The following HPSE2 variants were observed in gnomAD, a reference collection of about 807,000 sequenced individuals.
HPSE2 encodes the protein inactive heparanase-2.
HPSE2 carries 38 observed loss-of-function variants against 60.5 expected under a neutral mutation model. The observed-to-expected ratio is 0.63, with a 90% CI of 0.48 to 0.82. The LOEUF (loss-of-function observed/expected upper bound fraction) is 0.82. Ranked by LOEUF, HPSE2 falls within the 40% of genes least tolerant of loss-of-function variation. The pLI, the probability that HPSE2 is intolerant of heterozygous loss-of-function variation, is 0.00. For missense variants in HPSE2, 713 were observed against 740.4 expected, an observed-to-expected ratio of 0.96 and a Z score of 0.43; for synonymous variants, 295 against 293.2, an observed-to-expected ratio of 1.01 and a Z score of -0.06.
intron 3 of HPSE2, among the ~76,000 whole-genome samples, chr10:98,824,913 A>G (rs1386393875): frequency 6.6e-6 from 1 of 152,194 alleles, no homozygotes; most frequent in Non-Finnish European, 1.5e-5. Flanking sequence ...TGTATGTTTC[A>G]TAACGGTAAA....
At chr10:99,164,864 T>A (rs1314474041) in intron 2 of HPSE2, among the ~76,000 whole-genome samples, 1 of 151,970 alleles carries the variant, frequency 6.6e-6, no homozygotes, top group Non-Finnish European at 1.5e-5. Context: ...CGTGGGCGGA[T>A]CACGAGGTCA....
intron 9 of HPSE2, among the ~76,000 whole-genome samples, chr10:98,532,281 A>G (rs1237185389): frequency 6.6e-6 from 1 of 152,240 alleles, no homozygotes; most frequent in Non-Finnish European, 1.5e-5. Context: ...GAAATAGAGA[A>G]GGTACATCAG....
intron 3 of HPSE2, among the ~76,000 whole-genome samples, chr10:98,855,403 T>TG (rs1164598405): frequency 6.6e-6 from 1 of 151,446 alleles, no homozygotes; most frequent in Non-Finnish European, 1.5e-5. Flanking sequence ...GGCCTGGAAA[T>TG]GGGGGTGGGA....
chr10:98,803,496 G>A (rs1365857605), intron 3 of HPSE2, among the ~76,000 whole-genome samples: 1 of 151,756 alleles, frequency 6.6e-6, no homozygotes, highest in Non-Finnish European at 1.5e-5. Context: ...ATTAATTTTT[G>A]TATAAGGTGT....
intron 4 of HPSE2, among the ~76,000 whole-genome samples, chr10:98,729,857 C>T (rs1236809918): frequency 6.6e-6 from 1 of 151,674 alleles, no homozygotes; most frequent in Non-Finnish European, 1.5e-5. Context: ...ATACCTTAAA[C>T]AAAATTGAAG....
At chr10:98,510,515 G>A (rs1942354077) in intron 9 of HPSE2, among the ~76,000 whole-genome samples, 1 of 152,214 alleles carries the variant, frequency 6.6e-6, no homozygotes, top group African/African-American at 2.4e-5. Flanking sequence ...AAGGGAACCT[G>A]CTTATGGAGG....
intron 5 of HPSE2, among the ~76,000 whole-genome samples, chr10:98,720,358 A>G (rs1385900626): frequency 6.6e-6 from 1 of 152,084 alleles, no homozygotes; most frequent in Non-Finnish European, 1.5e-5. Context: ...AAGAGGAAAC[A>G]TAAGGATTTG....
At chr10:99,043,833 A>T (rs1957796700) in intron 3 of HPSE2, among the ~76,000 whole-genome samples, 1 of 152,170 alleles carries the variant, frequency 6.6e-6, no homozygotes, top group African/African-American at 2.4e-5. Context: ...AAGAATTTTT[A>T]AAAATAAAAA....
intron 3 of HPSE2, among the ~76,000 whole-genome samples, chr10:98,808,921 C>T (rs1490395663): frequency 1.3e-5 from 2 of 152,248 alleles, no homozygotes; most frequent in East Asian, 3.9e-4. Flanking sequence ...ACTGAGAACA[C>T]TTATCTCTAA....
intron 3 of HPSE2, among the ~76,000 whole-genome samples, chr10:98,780,851 A>T (rs1950449313): frequency 1.3e-5 from 2 of 152,112 alleles, no homozygotes; most frequent in South Asian, 4.1e-4. Flanking sequence ...AAATGGAATG[A>T]TCACTGCACC....
intron 7 of HPSE2, among the ~76,000 whole-genome samples, chr10:98,630,198 T>TGTG (rs200256720): frequency 6.6e-6 from 1 of 150,420 alleles, no homozygotes; most frequent in African/African-American, 2.4e-5. Context: ...TTTTTTTGTT[T>TGTG]TTTTTTTTTT....
rs76534970 is a variant in HPSE2 at position 99,098,508 on chromosome 10, T to C, written c.610+45730A>G. 1.6e-3 allele frequency among the ~76,000 whole-genome samples: 241 copies of C among 152,358 alleles called. 5 individuals are homozygous for C. The East Asian group carries it at 0.035, about 22-fold the overall frequency. On this transcript the variant is annotated intron_variant, in intron 3 of 11. Coordinates refer to ENST00000370552, the MANE Select transcript of HPSE2 (RefSeq NM_021828.5). ...TTTACAGAGCTTAAGTCTCTCTTAG[T>C]ATTTCTTTGGTATGATATAATAAAC...
At chr10:98,591,138 A>G (rs998373653) in intron 9 of HPSE2, among the ~76,000 whole-genome samples, 1 of 152,000 alleles carries the variant, frequency 6.6e-6, no homozygotes, top group Non-Finnish European at 1.5e-5. Context: ...AAAAAAAAGA[A>G]GAGCCCCTGA....
intron 3 of HPSE2, among the ~76,000 whole-genome samples, chr10:98,881,851 T>C (rs1382030775): frequency 2.0e-5 from 3 of 150,774 alleles, no homozygotes; most frequent in African/African-American, 7.3e-5. Context: ...CTGTGTAGAT[T>C]ACATTATTTT....
At chr10:99,032,156 G>A (rs964042480) in intron 3 of HPSE2, among the ~76,000 whole-genome samples, 4 of 152,108 alleles carry the variant, frequency 2.6e-5, no homozygotes, top group African/African-American at 9.7e-5. Flanking sequence ...ATGTTTGGAG[G>A]ACATCAGTAA....
At chr10:98,641,790 T>G in intron 7 of HPSE2, 57 bp downstream of exon 7, 1 of 1,347,080 alleles carries the variant, frequency 7.4e-7, no homozygotes, top group Non-Finnish European at 1.1e-6. Context: ...CTTTGTGTCT[T>G]TTTCCTTGTC....
chr10:99,060,282 G>A (rs1958207756), intron 3 of HPSE2, among the ~76,000 whole-genome samples: 1 of 152,072 alleles, frequency 6.6e-6, no homozygotes, highest in South Asian at 2.1e-4. Flanking sequence ...GAGCAAGATG[G>A]CCAAATAGAA....
chr10:98,958,359 T>C (rs1955561475), intron 3 of HPSE2, among the ~76,000 whole-genome samples: 1 of 150,348 alleles, frequency 6.7e-6, no homozygotes, highest in Admixed American at 6.6e-5. Flanking sequence ...ATAACAAGGT[T>C]AAAAAAAAAT....
intron 9 of HPSE2, among the ~76,000 whole-genome samples, chr10:98,563,324 T>C (rs1001433862): frequency 6.6e-6 from 1 of 152,072 alleles, no homozygotes; most frequent in African/African-American, 2.4e-5. Flanking sequence ...AAAGACCATA[T>C]CTTGTATGAT....
Sources: gnomAD v4.1 joint callset for allele counts (sites outside exome capture counted in the v4.1 genomes callset) on GRCh38, gnomAD v4.1.1 for gene constraint, MANE v1.5 for transcripts, NCBI Gene and HGNC (gene_info 2026-07-23, HGNC 2026-07-21) for gene names.